Variants in NKAIN2 observed in about 807,000 individuals in gnomAD.
The protein encoded by NKAIN2 is sodium/potassium-transporting ATPase subunit beta-1-interacting protein 2.
In NKAIN2, 14 loss-of-function variants were observed where a neutral mutation model predicts 32.6. That is an observed-to-expected ratio of 0.43 (90% CI 0.28 to 0.67). The LOEUF (loss-of-function observed/expected upper bound fraction) is 0.67, where lower values mean the gene tolerates loss of function less well. Among genes scored for constraint, NKAIN2 ranks in the 30% least tolerant of loss-of-function variants. NKAIN2 has a pLI of 0.17. For missense variants in NKAIN2, 198 were observed against 258.3 expected, an observed-to-expected ratio of 0.77 and a Z score of 1.60; for synonymous variants, 80 against 87.2, an observed-to-expected ratio of 0.92 and a Z score of 0.46.
intron 3 of NKAIN2, among the ~76,000 whole-genome samples, chr6:124,593,650 G>A (rs973194756): frequency 4.6e-5 from 7 of 152,144 alleles, no homozygotes; most frequent in Admixed American, 2.6e-4. Flanking sequence ...AAAGCTACAG[G>A]AACCTACTCA....
intron 3 of NKAIN2, among the ~76,000 whole-genome samples, chr6:124,413,110 C>T (rs1774290254): frequency 6.6e-6 from 1 of 152,116 alleles, no homozygotes; most frequent in South Asian, 2.1e-4. Flanking sequence ...TTCCCTGACC[C>T]CTTGCACTTC....
chr6:123,902,122 T>C (rs1403480438), intron 1 of NKAIN2, among the ~76,000 whole-genome samples: 1 of 152,150 alleles, frequency 6.6e-6, no homozygotes, highest in African/African-American at 2.4e-5. Context: ...GCATAACTTA[T>C]CAAATGATAT....
rs1415442083 is a variant in NKAIN2 at position 123,964,597 on chromosome 6, G to C, written c.54+160343G>C. On this transcript the variant is annotated intron_variant, in intron 1 of 6. Coordinates refer to ENST00000368417, the MANE Select transcript of NKAIN2 (RefSeq NM_001040214.3). The surrounding 1 kb of genome is among the most constrained non-coding windows in gnomAD (Gnocchi z 4.0). Reference sequence around the variant, plus strand: ...GGGGATATAGAAAGGGCGTATGTAAGAGTTCTAAAAATTATTAAAGGTTTG... The same window carrying C: ...GGGGATATAGAAAGGGCGTATGTAACAGTTCTAAAAATTATTAAAGGTTTG... 6.6e-6 allele frequency among the ~76,000 whole-genome samples: 1 copy of C among 152,146 alleles called. No individual in the cohort carries two copies. Among genetic ancestry groups the C allele is most frequent in the Non-Finnish European group, 1.5e-5 (1 of 68,030 alleles).
chr6:124,155,651 T>G (rs1387739254), intron 1 of NKAIN2, among the ~76,000 whole-genome samples: 1 of 151,470 alleles, frequency 6.6e-6, no homozygotes, highest in Non-Finnish European at 1.5e-5. Flanking sequence ...TTGATATGAT[T>G]TAACAATTCC....
intron 1 of NKAIN2, among the ~76,000 whole-genome samples, chr6:124,016,318 T>A (rs1303393514): frequency 6.6e-6 from 1 of 152,212 alleles, no homozygotes; most frequent in Non-Finnish European, 1.5e-5. Context: ...AACTAGTTAA[T>A]CATAAATATA....
At chr6:124,589,602 C>G (rs1317884512) in intron 3 of NKAIN2, among the ~76,000 whole-genome samples, 1 of 152,108 alleles carries the variant, frequency 6.6e-6, no homozygotes, top group African/African-American at 2.4e-5. Context: ...AATTGCAAAA[C>G]ATTAAAATGT....
chr6:123,892,285 C>T (rs372800796), intron 1 of NKAIN2, among the ~76,000 whole-genome samples: 9 of 152,256 alleles, frequency 5.9e-5, no homozygotes, highest in African/African-American at 1.9e-4. Flanking sequence ...TCCATTCTCA[C>T]GCTGCTGTGA....
At chr6:124,660,502 A>C (rs1197596297) in intron 4 of NKAIN2, among the ~76,000 whole-genome samples, 1 of 152,246 alleles carries the variant, frequency 6.6e-6, no homozygotes, top group Non-Finnish European at 1.5e-5. Context: ...AGGTGGCTAG[A>C]GTGCAAAGAA....
chr6:124,226,036 T>G (rs562523825), intron 1 of NKAIN2, among the ~76,000 whole-genome samples: 1 of 152,016 alleles, frequency 6.6e-6, no homozygotes, highest in Non-Finnish European at 1.5e-5. Flanking sequence ...AAAGCCCCAC[T>G]AAAATCATTG....
chr6:124,166,828 AG>A, intron 1 of NKAIN2, among the ~76,000 whole-genome samples: 1 of 147,314 alleles, frequency 6.8e-6, no homozygotes, highest in East Asian at 2.0e-4. Context: ...AGATAGTTGT[AG>A]ATATGCGGCG....
chr6:123,808,341 C>G (rs1300957598), intron 1 of NKAIN2, among the ~76,000 whole-genome samples: 1 of 152,140 alleles, frequency 6.6e-6, no homozygotes, highest in Non-Finnish European at 1.5e-5. Context: ...ATGAAGAAGA[C>G]TGAAAATCCC....
intron 1 of NKAIN2, among the ~76,000 whole-genome samples, chr6:124,041,136 T>G (rs1321476942): frequency 6.6e-6 from 1 of 152,086 alleles, no homozygotes; most frequent in Non-Finnish European, 1.5e-5. Flanking sequence ...CCATAATTGT[T>G]ATGAGAGCAT....
chr6:124,014,211 T>G (rs575723565), intron 1 of NKAIN2, among the ~76,000 whole-genome samples: 2 of 152,258 alleles, frequency 1.3e-5, no homozygotes, highest in South Asian at 4.1e-4. Flanking sequence ...GAAAATTGAA[T>G]AAAAAAGATA....
intron 6 of NKAIN2, among the ~76,000 whole-genome samples, chr6:124,820,865 T>G (rs1166938494): frequency 6.6e-6 from 1 of 152,140 alleles, no homozygotes; most frequent in Non-Finnish European, 1.5e-5. Flanking sequence ...AACAGTTTCA[T>G]CCTGAAACCA....
rs563847312 is a variant in NKAIN2, at chr6:123,890,459, T to G, written c.54+86205T>G. Among the ~76,000 whole-genome samples, 233 of 152,160 alleles carry G rather than the reference T, an allele frequency of 1.5e-3. 2 individuals carry two copies. Among genetic ancestry groups the G allele is most frequent in the African/African-American group, 5.5e-3 (229 of 41,520 alleles). ...AGTAATGGGGAATACTATGAGCCAA[T>G]TTGCTAAGTAGCATCACCACCGAGA... is the stretch of plus-strand genomic sequence containing the variant. On this transcript the variant is annotated intron_variant, in intron 1 of 6. Transcript: ENST00000368417.
At chr6:124,160,821 A>C (rs538302860) in intron 1 of NKAIN2, among the ~76,000 whole-genome samples, 1 of 152,234 alleles carries the variant, frequency 6.6e-6, no homozygotes, top group African/African-American at 2.4e-5. Context: ...ACTACAATGA[A>C]ATTTTAGTTA....
rs534680789 is a variant in NKAIN2 at position 124,663,897 on chromosome 6, C to T, written c.474+5511C>T. 3.3e-5 allele frequency among the ~76,000 whole-genome samples: 5 copies of T among 152,184 alleles called. No homozygotes were observed. In the East Asian group the frequency reaches 9.7e-4, roughly 29 times the overall value. The stretch of plus-strand genomic sequence containing the variant: ...TCATTATAATGAAAAGCCTTCAATG[C>T]TTCTCTATTTAGAGAACAAGATTTT... On this transcript the variant is annotated intron_variant, in intron 4 of 6. Transcript: ENST00000368417.
intron 1 of NKAIN2, among the ~76,000 whole-genome samples, chr6:124,175,357 A>G (rs1789104317): frequency 6.6e-6 from 1 of 152,234 alleles, no homozygotes; most frequent in Non-Finnish European, 1.5e-5. Context: ...GGAAAGTCAA[A>G]TAGCTGAAGT....
At chr6:124,241,224 T>C (rs1793076703) in intron 1 of NKAIN2, among the ~76,000 whole-genome samples, 1 of 152,104 alleles carries the variant, frequency 6.6e-6, no homozygotes, top group Admixed American at 6.6e-5. Context: ...TATAAACCAC[T>C]GCTCAAGGAA....
Sources: allele counts gnomAD v4.1 joint callset (sites outside exome capture counted in the v4.1 genomes callset), GRCh38; gene constraint gnomAD v4.1.1; non-coding constraint Gnocchi (gnomAD v3.1); transcripts MANE v1.5; gene names NCBI Gene and HGNC (gene_info 2026-07-23, HGNC 2026-07-21).